The following ZFYVE9 variants were observed in gnomAD, a reference collection of about 807,000 sequenced individuals.
ZFYVE9 encodes zinc finger FYVE domain-containing protein 9.
ZFYVE9 carries 43 observed loss-of-function variants against 126.7 expected under a neutral mutation model. The observed-to-expected ratio is 0.34, with a 90% CI of 0.27 to 0.44. The LOEUF is 0.44. Ranked by LOEUF, ZFYVE9 falls within the 20% of genes least tolerant of loss-of-function variation. The probability of loss-of-function intolerance (pLI) is 1.00; values close to 1 mark genes in which losing one functional copy is unlikely to be tolerated. For missense variants in ZFYVE9, 1,476 were observed against 1,697.0 expected (o/e 0.87, Z 2.29); for synonymous variants, 521 against 597.4 (o/e 0.87, Z 1.87).
intron 4 of ZFYVE9, among the ~76,000 whole-genome samples, chr1:52,260,022 G>A (rs996518883): frequency 2.6e-5 from 4 of 151,950 alleles, no homozygotes; most frequent in African/African-American, 9.7e-5. Flanking sequence ...TAATTCTTGT[G>A]TAGATCTCTT....
intron 10 of ZFYVE9, among the ~76,000 whole-genome samples, chr1:52,284,533 C>T (rs1402885794): frequency 1.3e-5 from 2 of 152,024 alleles, no homozygotes; most frequent in African/African-American, 4.8e-5. Context: ...CATTCTCCTG[C>T]CCCAGCCTCC....
intron 7 of ZFYVE9, among the ~76,000 whole-genome samples, chr1:52,269,886 C>T (rs553909160): frequency 6.6e-6 from 1 of 152,090 alleles, no homozygotes; most frequent in Admixed American, 6.5e-5. Context: ...GTCCCAGGCT[C>T]AAGCAATCCT....
intron 1 of ZFYVE9, among the ~76,000 whole-genome samples, chr1:52,169,076 GT>G (rs1159619585): frequency 6.6e-6 from 1 of 152,104 alleles, no homozygotes; most frequent in Non-Finnish European, 1.5e-5. Context: ...ATGTGACTCA[GT>G]GAGACTTTCT....
intron 1 of ZFYVE9, among the ~76,000 whole-genome samples, chr1:52,200,512 T>TGC: frequency 6.6e-6 from 1 of 152,278 alleles, no homozygotes; most frequent in Non-Finnish European, 1.5e-5. Flanking sequence ...TTAGTGAAGG[T>TGC]GCACCTTATC....
At chr1:52,320,148 G>A (rs1466420535) in intron 13 of ZFYVE9, among the ~76,000 whole-genome samples, 1 of 149,732 alleles carries the variant, frequency 6.7e-6, no homozygotes, top group East Asian at 2.1e-4. Context: ...TCAGCTCACT[G>A]CAACCTCCGC....
intron 11 of ZFYVE9, among the ~76,000 whole-genome samples, chr1:52,295,031 T>TC (rs769302332): frequency 6.6e-6 from 1 of 151,994 alleles, no homozygotes; most frequent in Non-Finnish European, 1.5e-5. Context: ...ACATGGTGAA[T>TC]CCCATCTCTA....
intron 1 of ZFYVE9, chr1:52,160,681 T>C: frequency 3.6e-6 from 2 of 559,498 alleles, no homozygotes; most frequent in Non-Finnish European, 6.4e-6. Flanking sequence ...CCTGCAGTGC[T>C]GGGATTACAG....
At chr1:52,254,710 T>C (rs1194690107) in intron 4 of ZFYVE9, among the ~76,000 whole-genome samples, 1 of 152,138 alleles carries the variant, frequency 6.6e-6, no homozygotes, top group African/African-American at 2.4e-5. Context: ...CTCATTCCTG[T>C]AATCCCAGCC....
Position 52,318,380 on chromosome 1 carries a change from G to A in ZFYVE9, c.3439-14388G>A, listed in dbSNP as rs61782537. On this transcript the variant is annotated intron_variant, in intron 13 of 18. Transcript: ENST00000287727. ...AGAGAGCATGATTGTATGTGTGTGT[G>A]TGTGTGTGTGTGTGTGTGTGTGTGT... 1.5e-3 allele frequency among the ~76,000 whole-genome samples: 49 copies of A among 31,878 alleles called. No individual in the cohort carries two copies. The South Asian group carries it at 0.021, about 13-fold the overall frequency. 20.9% of individuals were successfully genotyped at this position (31,878 alleles called of 152,430 possible). A position where few individuals can be genotyped will look rare whatever the true frequency, so the allele number is the denominator to read the frequency against.
At position 52,238,152 on chromosome 1, in the gene ZFYVE9, A is replaced by G. The variant is rs1461361217; in HGVS notation, c.735A>G (p.Gln245=). ...DSLASVCSPS[Q]LKDDGSIGRD... is the part of the protein sequence containing the mutation. ...TAGCCAGTGTCTGTTCCCCTTCACA[A>G]TTAAAGGATGACGGAAGTATAGGTA... is the stretch of plus-strand genomic sequence containing the variant. Residue 245 remains glutamine, a synonymous_variant, in exon 4 of 19, where the codon CAA becomes CAG. Transcript: ENST00000287727. 3 of 1,613,950 alleles carry G rather than the reference A, an allele frequency of 1.9e-6. No homozygotes were observed. The highest frequency in any genetic ancestry group is 2.7e-5 in the African/African-American group (2 of 74,906).
chr1:52,274,435 T>C (rs1236249909), intron 7 of ZFYVE9, 29 bp from the exon 8 acceptor site: 2 of 1,584,562 alleles, frequency 1.3e-6, no homozygotes, highest in East Asian at 2.3e-5. Context: ...TTCTCTGTAG[T>C]GCTCACTTTG....
chr1:52,178,933 T>C (rs1644668132), intron 1 of ZFYVE9, among the ~76,000 whole-genome samples: 1 of 151,892 alleles, frequency 6.6e-6, no homozygotes, highest in African/African-American at 2.4e-5. Flanking sequence ...ACCTCCTGAG[T>C]AGCTGGGACC....
intron 16 of ZFYVE9, among the ~76,000 whole-genome samples, chr1:52,339,424 G>A (rs184332075): frequency 2.0e-4 from 31 of 152,236 alleles, no homozygotes; most frequent in Non-Finnish European, 3.4e-4. Context: ...CAGTAGCTGG[G>A]ATTACAGGCA....
At chr1:52,311,176 A>G (rs533849781) in intron 13 of ZFYVE9, among the ~76,000 whole-genome samples, 1 of 152,012 alleles carries the variant, frequency 6.6e-6, no homozygotes, top group East Asian at 1.9e-4. Flanking sequence ...AATGACTGTT[A>G]TTTAATATGT....
At chr1:52,316,038 G>T (rs983340431) in intron 13 of ZFYVE9, among the ~76,000 whole-genome samples, 2 of 151,652 alleles carry the variant, frequency 1.3e-5, no homozygotes, top group Non-Finnish European at 2.9e-5. Context: ...GGTGGTGCAT[G>T]CTTGTAGTCC....
chr1:52,228,952 C>T (rs1370328572), intron 2 of ZFYVE9, among the ~76,000 whole-genome samples: 1 of 151,358 alleles, frequency 6.6e-6, no homozygotes, highest in Non-Finnish European at 1.5e-5. Context: ...TGCAGTGGTG[C>T]AGTCATAGCT....
At chr1:52,144,339 G>T (rs942027512) in intron 1 of ZFYVE9, among the ~76,000 whole-genome samples, 1 of 151,966 alleles carries the variant, frequency 6.6e-6, no homozygotes, top group African/African-American at 2.4e-5. Flanking sequence ...GTTGAATACA[G>T]TTCTCAGTGT....
intron 10 of ZFYVE9, among the ~76,000 whole-genome samples, chr1:52,292,629 G>A (rs1170804625): frequency 1.3e-5 from 2 of 151,624 alleles, no homozygotes; most frequent in South Asian, 2.1e-4. Flanking sequence ...ACACCACTAC[G>A]CCTGGCTAAT....
At chr1:52,310,226 C>T (rs1569730058) in intron 13 of ZFYVE9, among the ~76,000 whole-genome samples, 1 of 152,092 alleles carries the variant, frequency 6.6e-6, no homozygotes, top group African/African-American at 2.4e-5. Flanking sequence ...GCCTCAGCCT[C>T]CCAAAGTGCT....
Sources: gnomAD v4.1 joint callset for allele counts (sites outside exome capture counted in the v4.1 genomes callset) on GRCh38, gnomAD v4.1.1 for gene constraint, MANE v1.5 for transcripts, NCBI Gene and HGNC (gene_info 2026-07-23, HGNC 2026-07-21) for gene names.